CNOT2: variants seen among roughly 807,000 people sequenced by gnomAD.
CNOT2 encodes CC chemokine receptor 4-negative regulator of transcription 2.
In CNOT2, 7 loss-of-function variants were observed where a neutral mutation model predicts 72.1. The ratio of observed to expected loss-of-function variants is 0.10; its 90% CI spans 0.06 to 0.18. The LOEUF (loss-of-function observed/expected upper bound fraction) is 0.18, where lower values mean the gene tolerates loss of function less well. CNOT2 is among the 10% of genes least tolerant of loss of function. CNOT2 has a pLI of 1.00. For missense variants in CNOT2, 345 were observed against 660.3 expected, an observed-to-expected ratio of 0.52 and a Z score of 5.23; for synonymous variants, 196 against 225.6, an observed-to-expected ratio of 0.87 and a Z score of 1.17.
intron 4 of CNOT2, among the ~76,000 whole-genome samples, chr12:70,320,991 T>C (rs930181973): frequency 1.3e-5 from 2 of 151,894 alleles, no homozygotes; most frequent in African/African-American, 4.8e-5. Flanking sequence ...TTTTTGTTTT[T>C]AAGGACATAC....
At chr12:70,299,355 T>A (rs1348997257) in intron 2 of CNOT2, among the ~76,000 whole-genome samples, 1 of 150,760 alleles carries the variant, frequency 6.6e-6, no homozygotes, top group African/African-American at 2.4e-5. Context: ...GTATAGCTGC[T>A]AATGCTGTCC....
At chr12:70,330,696 A>G in intron 6 of CNOT2, 1 of 421,510 alleles carries the variant, frequency 2.4e-6, no homozygotes, top group East Asian at 3.9e-5. Flanking sequence ...TGGTTGTTAG[A>G]AAAGGATTGT....
intron 1 of CNOT2, among the ~76,000 whole-genome samples, chr12:70,244,840 A>G (rs1406079645): frequency 6.6e-6 from 1 of 152,362 alleles, no homozygotes; most frequent in East Asian, 1.9e-4. Flanking sequence ...AAAGTTGAAC[A>G]TATTTAGTGT....
intron 2 of CNOT2, among the ~76,000 whole-genome samples, chr12:70,302,643 G>A (rs1301744910): frequency 6.6e-6 from 1 of 152,174 alleles, no homozygotes; most frequent in African/African-American, 2.4e-5. Context: ...CAACTATGTG[G>A]TCAACTTTGG....
intron 2 of CNOT2, among the ~76,000 whole-genome samples, chr12:70,303,765 C>T (rs1185088976): frequency 6.6e-6 from 1 of 152,152 alleles, no homozygotes; most frequent in Non-Finnish European, 1.5e-5. Flanking sequence ...TGTTGGCCTG[C>T]CTTGCCAGAC....
At chr12:70,329,009 T>A (rs1879519484) in intron 4 of CNOT2, among the ~76,000 whole-genome samples, 1 of 151,914 alleles carries the variant, frequency 6.6e-6, no homozygotes, top group Non-Finnish European at 1.5e-5. Flanking sequence ...GGGTTAAATG[T>A]CTTTCTGTAT....
At chr12:70,340,322 G>C (rs1373745068) in intron 11 of CNOT2, among the ~76,000 whole-genome samples, 1 of 152,136 alleles carries the variant, frequency 6.6e-6, no homozygotes, top group Non-Finnish European at 1.5e-5. Flanking sequence ...GTCTTTTTCA[G>C]TTTCCTTTGC....
chr12:70,279,638 G>A (rs996220156), intron 2 of CNOT2, among the ~76,000 whole-genome samples: 4 of 152,114 alleles, frequency 2.6e-5, no homozygotes, highest in African/African-American at 9.7e-5. Context: ...CTTTTGGTAG[G>A]TTCTGCCAAA....
intron 3 of CNOT2, among the ~76,000 whole-genome samples, chr12:70,317,329 T>C (rs181973660): frequency 6.6e-6 from 1 of 152,248 alleles, no homozygotes; most frequent in East Asian, 1.9e-4. Flanking sequence ...TAGGTATACA[T>C]GTGCCATAAA....
At chr12:70,301,668 T>G (rs1874006092) in intron 2 of CNOT2, 1 of 152,258 alleles carries the variant, frequency 6.6e-6, no homozygotes, top group Non-Finnish European at 1.5e-5. Context: ...ATCAAGGATA[T>G]TGGTCTAAAA....
At chr12:70,265,277 T>TCTCTTCTCTCCTCTTCTCTC (rs1422685307) in intron 1 of CNOT2, among the ~76,000 whole-genome samples, 3 of 115,134 alleles carry the variant, frequency 2.6e-5, no homozygotes, top group African/African-American at 1.0e-4. Flanking sequence ...TTTTGTTTCT[T>TCTCTTCTCTCCTCTTCTCTC]CTCTTCTCTT....
chr12:70,315,362 T>C (rs1221563212), intron 3 of CNOT2, among the ~76,000 whole-genome samples: 1 of 152,158 alleles, frequency 6.6e-6, no homozygotes, highest in Non-Finnish European at 1.5e-5. Flanking sequence ...TTTGTAGATA[T>C]GGTACAGTTA....
intron 2 of CNOT2, chr12:70,307,981 A>G (rs1875736129): frequency 6.6e-6 from 1 of 152,038 alleles, no homozygotes; most frequent in Non-Finnish European, 1.5e-5. Flanking sequence ...AAAGAATAAA[A>G]TCCAAAGTCT....
rs186172874 is a variant in CNOT2 at position 70,297,051 on chromosome 12, G to T, written c.49-13844G>T. Among the ~76,000 whole-genome samples, 321 of 152,186 alleles carry T rather than the reference G, an allele frequency of 2.1e-3. 1 individual carries two copies. Among genetic ancestry groups the T allele is most frequent in the Non-Finnish European group, 3.1e-3 (208 of 67,994 alleles). ...CAGGTATTAGGACTCCTCATCATTG[G>T]TTTCAGATGTTAATTGGCTACACCT... On this transcript the variant is annotated intron_variant, in intron 2 of 15. Coordinates refer to ENST00000229195, the MANE Select transcript of CNOT2 (RefSeq NM_014515.7).
chr12:70,305,877 T>G (rs1054873422), intron 2 of CNOT2, among the ~76,000 whole-genome samples: 1 of 147,346 alleles, frequency 6.8e-6, no homozygotes, highest in East Asian at 2.0e-4. Flanking sequence ...AAGTTTGTTT[T>G]TTTTTTTTTT....
At chr12:70,278,544 A>G (rs2135805700) in intron 2 of CNOT2, 1 of 352,054 alleles carries the variant, frequency 2.8e-6, no homozygotes, top group Non-Finnish European at 5.1e-6. Context: ...TATACAAGTT[A>G]TGACTTCATG....
chr12:70,352,767 T>A (rs1477987462), intron 15 of CNOT2, among the ~76,000 whole-genome samples: 2 of 152,228 alleles, frequency 1.3e-5, no homozygotes, highest in Non-Finnish European at 2.9e-5. Context: ...TTTTTTCTAA[T>A]ATACATAGCT....
At chr12:70,285,753 T>G (rs1412062607) in intron 2 of CNOT2, among the ~76,000 whole-genome samples, 1 of 152,122 alleles carries the variant, frequency 6.6e-6, no homozygotes, top group African/African-American at 2.4e-5. Context: ...CCTACAGTTT[T>G]CAGTTTTTAT....
intron 2 of CNOT2, among the ~76,000 whole-genome samples, chr12:70,292,203 A>G (rs530674360): frequency 2.2e-4 from 34 of 152,328 alleles, no homozygotes; most frequent in Admixed American, 9.8e-4. Flanking sequence ...GATGCACTTG[A>G]GAAGACTACA....
Sources: allele counts gnomAD v4.1 joint callset (sites outside exome capture counted in the v4.1 genomes callset), GRCh38; gene constraint gnomAD v4.1.1; transcripts MANE v1.5; gene names NCBI Gene and HGNC (gene_info 2026-07-23, HGNC 2026-07-21).